The following LRRC7 variants were observed in gnomAD, a reference collection of about 807,000 sequenced individuals.
The protein encoded by LRRC7 is leucine rich repeat containing 7, also known as leucine-rich repeat-containing protein 7.
A neutral mutation model predicts 175.7 loss-of-function variants in LRRC7; 23 were observed. The ratio of observed to expected loss-of-function variants is 0.13; its 90% CI spans 0.09 to 0.19. The LOEUF (loss-of-function observed/expected upper bound fraction) is 0.19, where lower values mean the gene tolerates loss of function less well. LRRC7 is among the 10% of genes least tolerant of loss of function. The pLI is 1.00. For missense variants in LRRC7, 1,354 were observed against 1,904.7 expected (o/e 0.71, Z 5.38); for synonymous variants, 685 against 680.9 (o/e 1.01, Z -0.09).
chr1:69,658,623 TA>T (rs1045725262), intron 1 of LRRC7, among the ~76,000 whole-genome samples: 1 of 151,522 alleles, frequency 6.6e-6, no homozygotes, highest in African/African-American at 2.4e-5. Flanking sequence ...AATGAGGACC[TA>T]AAAAAAATCC....
intron 2 of LRRC7, among the ~76,000 whole-genome samples, chr1:69,718,138 G>A (rs1472575258): frequency 1.2e-4 from 5 of 40,970 alleles, no homozygotes; most frequent in Non-Finnish European, 1.7e-4. Flanking sequence ...AAGAAAGAAA[G>A]AGAGAGAAAG....
At chr1:69,992,961 T>G (rs1010054391) in intron 10 of LRRC7, among the ~76,000 whole-genome samples, 2 of 152,128 alleles carry the variant, frequency 1.3e-5, no homozygotes, top group African/African-American at 4.8e-5. Context: ...TGAGTGATGT[T>G]GAGACCATCA....
intron 1 of LRRC7, among the ~76,000 whole-genome samples, chr1:69,662,611 G>A (rs1557563306): frequency 6.6e-6 from 1 of 152,110 alleles, no homozygotes; most frequent in Non-Finnish European, 1.5e-5. Flanking sequence ...GTTTAGGTGT[G>A]GTTAACATGT....
At chr1:69,752,200 G>A (rs1312895837) in intron 2 of LRRC7, among the ~76,000 whole-genome samples, 1 of 152,094 alleles carries the variant, frequency 6.6e-6, no homozygotes, top group East Asian at 1.9e-4. Context: ...TTTTAAAGAT[G>A]TTCTTGAAGT....
Position 69,748,090 on chromosome 1 carries a change from A to G in LRRC7, c.101-12101A>G, listed in dbSNP as rs575770264. Among the ~76,000 whole-genome samples the G allele has an allele frequency of 3.3e-5, 5 of 152,190 alleles. No homozygotes were observed. The South Asian group carries it at 6.2e-4, about 19-fold the overall frequency. On this transcript the variant is annotated intron_variant, in intron 2 of 26. Coordinates refer to ENST00000651989, the MANE Select transcript of LRRC7 (RefSeq NM_001370785.2). ...TATACCCAAAGCAACTTAGTTTATT[A>G]AAAGATTATCACAACAAAACCCTGG...
chr1:69,992,972 A>G (rs758277172), intron 10 of LRRC7, among the ~76,000 whole-genome samples: 1 of 152,058 alleles, frequency 6.6e-6, no homozygotes, highest in Non-Finnish European at 1.5e-5. Flanking sequence ...GAGACCATCA[A>G]CCCACATACA....
At chr1:69,600,888 T>C (rs1449448825) in intron 1 of LRRC7, among the ~76,000 whole-genome samples, 1 of 130,240 alleles carries the variant, frequency 7.7e-6, no homozygotes, top group African/African-American at 2.8e-5. Context: ...CTCGGCTCAC[T>C]CCAACCTCTG....
chr1:70,062,725 A>G (rs749024044), intron 23 of LRRC7, among the ~76,000 whole-genome samples: 2 of 152,202 alleles, frequency 1.3e-5, no homozygotes, highest in Admixed American at 6.6e-5. Context: ...AATCAATGAA[A>G]TAATTTATTT....
chr1:69,859,345 C>G (rs1684113638), intron 7 of LRRC7, among the ~76,000 whole-genome samples: 2 of 152,032 alleles, frequency 1.3e-5, no homozygotes, highest in African/African-American at 4.8e-5. Context: ...ATCATGATTC[C>G]TGAAGTTTAT....
intron 24 of LRRC7, among the ~76,000 whole-genome samples, chr1:70,084,783 G>A (rs1376817434): frequency 6.6e-6 from 1 of 152,116 alleles, no homozygotes; most frequent in African/African-American, 2.4e-5. Flanking sequence ...ATGAATGTGG[G>A]TTCCACTTTT....
chr1:69,612,713 A>C (rs1409078738), intron 1 of LRRC7, among the ~76,000 whole-genome samples: 3 of 152,096 alleles, frequency 2.0e-5, no homozygotes, highest in Admixed American at 6.6e-5. Flanking sequence ...TACCTAAATA[A>C]GTTCTAATGT....
At chr1:69,927,383 G>C (rs1647115484) in intron 7 of LRRC7, among the ~76,000 whole-genome samples, 1 of 152,164 alleles carries the variant, frequency 6.6e-6, no homozygotes, top group African/African-American at 2.4e-5. Flanking sequence ...AGTTCTCCTG[G>C]ATAATATCCT....
intron 7 of LRRC7, among the ~76,000 whole-genome samples, chr1:69,866,305 T>G (rs1684942144): frequency 6.6e-6 from 1 of 152,128 alleles, no homozygotes; most frequent in Non-Finnish European, 1.5e-5. Context: ...GCTGTGGTTT[T>G]GAAAGGAGAC....
chr1:69,687,532 A>AAG (rs1553139842), intron 2 of LRRC7, among the ~76,000 whole-genome samples: 1 of 138,278 alleles, frequency 7.2e-6, no homozygotes, highest in Non-Finnish European at 1.6e-5. Flanking sequence ...AAAAAAAAAA[A>AAG]AAAAAAGAAA....
chr1:69,937,429 C>T (rs1648160583), intron 8 of LRRC7, among the ~76,000 whole-genome samples: 1 of 151,774 alleles, frequency 6.6e-6, no homozygotes, highest in African/African-American at 2.4e-5. Flanking sequence ...TCCATTTTTT[C>T]TCTTTTATTC....
chr1:69,758,136 T>C (rs1011648274), intron 2 of LRRC7, among the ~76,000 whole-genome samples: 1 of 151,986 alleles, frequency 6.6e-6, no homozygotes, highest in Non-Finnish European at 1.5e-5. Context: ...ATTTACTGGG[T>C]GCCTACTATG....
chr1:69,630,589 G>A (rs61782240), intron 1 of LRRC7, among the ~76,000 whole-genome samples: 8,230 of 151,352 alleles, frequency 0.054, 255 homozygotes, highest in Admixed American at 0.07. Context: ...AATTGTACAT[G>A]CTTTTGATTA....
intron 2 of LRRC7, among the ~76,000 whole-genome samples, chr1:69,693,914 G>A (rs752099931): frequency 2.0e-5 from 3 of 152,108 alleles, no homozygotes; most frequent in Admixed American, 6.5e-5. Flanking sequence ...TCAGAAGCAA[G>A]CATATATTTT....
intron 2 of LRRC7, among the ~76,000 whole-genome samples, chr1:69,723,001 G>C (rs1181550338): frequency 6.6e-6 from 1 of 151,714 alleles, no homozygotes; most frequent in Non-Finnish European, 1.5e-5. Flanking sequence ...TTTTATGTTA[G>C]TTTTTACCAT....
Sources: gnomAD v4.1 joint callset for allele counts (sites outside exome capture counted in the v4.1 genomes callset) on GRCh38, gnomAD v4.1.1 for gene constraint, MANE v1.5 for transcripts, NCBI Gene and HGNC (gene_info 2026-07-23, HGNC 2026-07-21) for gene names.